The following CWH43 variants were observed in gnomAD, a reference collection of about 807,000 sequenced individuals.
CWH43 encodes PGAP2-interacting protein.
A neutral mutation model predicts 85.7 loss-of-function variants in CWH43; 91 were observed. That is an observed-to-expected ratio of 1.06 (90% CI 0.90 to 1.26). The LOEUF (loss-of-function observed/expected upper bound fraction) is 1.26, where lower values mean the gene tolerates loss of function less well. CWH43 is among the 50% of genes most tolerant of loss of function. The pLI is 0.00. For synonymous variants in CWH43, 323 were observed against 293.6 expected (o/e 1.10, Z -1.02); for missense variants, 869 against 839.2 (o/e 1.04, Z -0.44).
At position 48,988,573 on chromosome 4, in the gene CWH43, T is replaced by C. The variant is rs760987937; in HGVS notation, c.140T>C (p.Ile47Thr). 3.1e-6 allele frequency: 5 copies of C among 1,613,546 alleles called. No individual in the cohort carries two copies. The highest frequency in any genetic ancestry group is 1.3e-5 in the African/African-American group (1 of 75,054). ...CTCACTGGGCTTGAAGGTTTTAGTA[T>C]AGCATTTCTTTCTCCAATATTCCTA... ...LELTGLEGFS[I>T]AFLSPIFLTI... The change falls in exon 2 of 16, where the codon ATA (isoleucine) becomes ACA (threonine). Residue 47 changes from isoleucine to threonine, a missense_variant. Physicochemically the swap from Ile to Thr is moderately conservative, Grantham distance 89 (BLOSUM62 -1). This residue lies in a region of CWH43 where 140 missense variants were observed against 122.6 expected (regional missense o/e 1.14). Transcript: ENST00000226432.
rs187991530 is a variant in CWH43 at position 49,015,127 on chromosome 4, G to T, written c.1187-2122G>T. 5.9e-5 allele frequency among the ~76,000 whole-genome samples: 9 copies of T among 151,630 alleles called. No homozygotes were observed. The East Asian group carries it at 1.7e-3, about 29-fold the overall frequency. On this transcript the variant is annotated intron_variant, in intron 8 of 15. Coordinates refer to ENST00000226432, the MANE Select transcript of CWH43 (RefSeq NM_025087.3). ...AGAATGTCAATTTTTGTCTTTTAAGGGTTTAATCTATTTTTACCATGATTT... is the reference window on the plus strand; with the variant it reads ...AGAATGTCAATTTTTGTCTTTTAAGTGTTTAATCTATTTTTACCATGATTT...
At position 48,992,785 on chromosome 4, in the gene CWH43, G is replaced by A. The variant is rs1782697180; in HGVS notation, c.511+695G>A. ...AGTCACTGTTCTTCTGTAACTACAA[G>A]GTGAAATCTCACAGACTAATGGAAG... On this transcript the variant is annotated intron_variant, in intron 4 of 15. Coordinates refer to ENST00000226432, the MANE Select transcript of CWH43 (RefSeq NM_025087.3). The surrounding 1 kb of genome is among the most constrained non-coding windows in gnomAD (Gnocchi z 4.3). Among the ~76,000 whole-genome samples, 1 of 152,128 alleles carries A rather than the reference G, an allele frequency of 6.6e-6. No individual in the cohort carries two copies. The highest frequency in any genetic ancestry group is 2.4e-5 in the African/African-American group (1 of 41,422).
intron 15 of CWH43, among the ~76,000 whole-genome samples, chr4:49,060,112 A>G (rs1289245048): frequency 6.6e-6 from 1 of 151,948 alleles, no homozygotes. Flanking sequence ...TCACAGGGCC[A>G]GTCTAGAACC....
chr4:49,011,256 A>G (rs1272826513), intron 8 of CWH43, among the ~76,000 whole-genome samples: 1 of 151,816 alleles, frequency 6.6e-6, no homozygotes, highest in Non-Finnish European at 1.5e-5. Context: ...CTTTTGATCT[A>G]TGTTGGTTTA....
chr4:49,021,474 G>T (rs555827934), intron 9 of CWH43, among the ~76,000 whole-genome samples: 1 of 151,964 alleles, frequency 6.6e-6, no homozygotes, highest in Non-Finnish European at 1.5e-5. Context: ...GTATTTTGAA[G>T]TTGGATAATG....
At chr4:49,053,676 T>G (rs1403952441) in intron 15 of CWH43, among the ~76,000 whole-genome samples, 2 of 152,194 alleles carry the variant, frequency 1.3e-5, no homozygotes, top group Non-Finnish European at 2.9e-5. Flanking sequence ...CTATATGTTT[T>G]GGATATTAGC....
intron 15 of CWH43, among the ~76,000 whole-genome samples, chr4:49,056,301 G>T (rs1463250608): frequency 1.3e-5 from 2 of 152,020 alleles, no homozygotes; most frequent in Admixed American, 1.3e-4. Flanking sequence ...TTGGGTCTGG[G>T]CTTTTTGCTT....
At chr4:49,036,617 T>C (rs1011101686) in intron 12 of CWH43, among the ~76,000 whole-genome samples, 3 of 152,198 alleles carry the variant, frequency 2.0e-5, no homozygotes, top group African/African-American at 4.8e-5. Context: ...TCTATGTAAA[T>C]ACCTGTGTTT....
At chr4:49,016,313 G>A (rs1050840329) in intron 8 of CWH43, among the ~76,000 whole-genome samples, 2 of 152,016 alleles carry the variant, frequency 1.3e-5, no homozygotes, top group Non-Finnish European at 2.9e-5. Context: ...CATGTGAGTG[G>A]TTCGCATACA....
intron 12 of CWH43, among the ~76,000 whole-genome samples, chr4:49,037,737 T>C (rs1784304001): frequency 6.6e-6 from 1 of 152,240 alleles, no homozygotes; most frequent in Middle Eastern, 3.2e-3. Context: ...GTTAGTGATT[T>C]CATTTCTTCT....
intron 9 of CWH43, among the ~76,000 whole-genome samples, chr4:49,021,239 G>C (rs183698024): frequency 9.2e-5 from 14 of 152,230 alleles, no homozygotes; most frequent in Admixed American, 9.2e-4. Flanking sequence ...TATAAGGTGA[G>C]AGATGAGGAT....
chr4:49,019,694 C>T (rs891912861), intron 9 of CWH43, among the ~76,000 whole-genome samples: 1 of 151,964 alleles, frequency 6.6e-6, no homozygotes, highest in African/African-American at 2.4e-5. Context: ...ATTCTCTTGC[C>T]TCAGCCTCCA....
intron 14 of CWH43, among the ~76,000 whole-genome samples, chr4:49,047,504 TG>T (rs965380756): frequency 1.6e-4 from 25 of 151,964 alleles, no homozygotes; most frequent in African/African-American, 4.8e-4. Flanking sequence ...AGTAGGGAGC[TG>T]GGTAGGTCTT....
chr4:49,030,718 T>A, intron 10 of CWH43, 107 bp from the exon 11 acceptor site: 1 of 1,080,756 alleles, frequency 9.3e-7, no homozygotes, highest in East Asian at 2.9e-5. Context: ...TGTTTTTGGG[T>A]TTATCAGTAA....
At chr4:49,002,477 A>C (rs76866634) in intron 6 of CWH43, among the ~76,000 whole-genome samples, 2 of 152,346 alleles carry the variant, frequency 1.3e-5, no homozygotes, top group East Asian at 3.9e-4. Context: ...TTATGTAAAA[A>C]TACTTCTGTA....
At chr4:49,046,687 C>T (rs571357816) in intron 14 of CWH43, among the ~76,000 whole-genome samples, 15 of 151,862 alleles carry the variant, frequency 9.9e-5, no homozygotes, top group Admixed American at 4.6e-4. Flanking sequence ...GCAGGGGAGG[C>T]GGGGAAAGTT....
At chr4:49,037,468 G>C (rs1310648044) in intron 12 of CWH43, among the ~76,000 whole-genome samples, 1 of 152,088 alleles carries the variant, frequency 6.6e-6, no homozygotes, top group African/African-American at 2.4e-5. Context: ...TACTCAGGAG[G>C]CTGAGGCAGG....
chr4:49,033,028 C>T (rs1004767360), intron 12 of CWH43, among the ~76,000 whole-genome samples: 2 of 152,022 alleles, frequency 1.3e-5, no homozygotes, highest in African/African-American at 2.4e-5. Flanking sequence ...CTTAGAGCCC[C>T]GTTTTGCAGG....
At position 49,003,723 on chromosome 4, in the gene CWH43, TC is replaced by T; in HGVS notation, c.803-11del. The T allele has an allele frequency of 6.2e-7, 1 of 1,613,094 alleles. No individual in the cohort carries two copies. ...TGCTTTCCTGTCTGATTCTTTTCTCTCTCACAAACAGGAACAGCTTCAGCTG... is the reference window on the plus strand; with the variant it reads ...TGCTTTCCTGTCTGATTCTTTTCTCTTCACAAACAGGAACAGCTTCAGCTG... On this transcript the variant is annotated splice_polypyrimidine_tract_variant and intron_variant, in intron 6 of 15. Transcript: ENST00000226432.
Sources: gnomAD v4.1 joint callset for allele counts (sites outside exome capture counted in the v4.1 genomes callset) on GRCh38, gnomAD v4.1.1 for gene constraint, gnomAD v4.1.1 regional missense constraint, Gnocchi (gnomAD v3.1) non-coding constraint, MANE v1.5 for transcripts, NCBI Gene and HGNC (gene_info 2026-07-23, HGNC 2026-07-21) for gene names.